TXNL4A: variants seen among roughly 807,000 people sequenced by gnomAD.
TXNL4A encodes thioredoxin like 4A, also known as thioredoxin-like protein 4A.
TXNL4A carries 17 observed loss-of-function variants against 14.6 expected under a neutral mutation model. The ratio of observed to expected loss-of-function variants is 1.16; its 90% CI spans 0.80 to 1.74. The LOEUF is 1.74. Among genes scored for constraint, TXNL4A ranks in the 40% most tolerant of loss-of-function variants. TXNL4A has a pLI of 0.00. For synonymous variants in TXNL4A, 83 were observed against 70.6 expected, an observed-to-expected ratio of 1.18 and a Z score of -0.88; for missense variants, 74 against 195.2, an observed-to-expected ratio of 0.38 and a Z score of 3.70.
chr18:79,990,339 C>T (rs951266993), upstream of TXNL4A, among the ~76,000 whole-genome samples: 3 of 152,162 alleles, frequency 2.0e-5, no homozygotes, highest in Non-Finnish European at 2.9e-5. Context: ...AAAGCAGAGG[C>T]ACAGAATATA....
rs1555720002 is a variant in TXNL4A, at chr18:79,996,119, A to AAC, written c.-60-18419_-60-18418insGT. Among the ~76,000 whole-genome samples the AAC allele has an allele frequency of 1.1e-4, 16 of 150,776 alleles. No homozygotes were observed. In the South Asian group the frequency reaches 3.4e-3, roughly 32 times the overall value. On this transcript the variant is annotated intron_variant, in intron 1 of 2. Transcript: ENST00000585474. ...ACTCTGACTCAAAAAAAAAAAAAAA[A>AAC]AAAAAAAACGGCCAGGACAGCTTAA...
intron 1 of TXNL4A, among the ~76,000 whole-genome samples, chr18:79,999,059 A>T (rs1294294167): frequency 6.6e-6 from 1 of 152,194 alleles, no homozygotes; most frequent in Admixed American, 6.5e-5. Flanking sequence ...GATCATCTCA[A>T]GTGGCTGAGT....
chr18:80,008,953 T>C (rs2051751163), intron 1 of TXNL4A, among the ~76,000 whole-genome samples: 1 of 152,126 alleles, frequency 6.6e-6, no homozygotes, highest in African/African-American at 2.4e-5. Context: ...AATTTTTGTA[T>C]TTTCAGTAGA....
chr18:79,986,673 G>A lies in TXNL4A; in HGVS notation c.153+1567C>T, dbSNP rs572311646. The A allele has an allele frequency of 1.8e-5, 18 of 985,432 alleles. No individual in the cohort carries two copies. The African/African-American group carries it at 3.0e-4, about 16-fold the overall frequency. 61.0% of individuals were successfully genotyped at this position (985,432 alleles called of 1,614,324 possible). A position where few individuals can be genotyped will look rare whatever the true frequency, so the allele number is the denominator to read the frequency against. ...TGTGCTCGGATGTGATGAGACAAAG[G>A]CCCTCACATCTCCAGCCATCCTAGC... is the stretch of plus-strand genomic sequence containing the variant. On this transcript the variant is annotated intron_variant, in intron 1 of 2. Coordinates refer to ENST00000269601, the MANE Select transcript of TXNL4A (RefSeq NM_006701.5).
At chr18:80,004,828 A>T (rs1306712214) in intron 1 of TXNL4A, among the ~76,000 whole-genome samples, 1 of 152,232 alleles carries the variant, frequency 6.6e-6, no homozygotes, top group East Asian at 1.9e-4. Flanking sequence ...CAGACCCAGA[A>T]TAGGAATGCA....
chr18:79,986,509 CT>C, intron 1 of TXNL4A: 1 of 910,524 alleles, frequency 1.1e-6, no homozygotes, highest in Non-Finnish European at 1.3e-6. Context: ...TGTGTGTCCA[CT>C]AGTGATACAG....
Position 79,978,827 on chromosome 18 carries a change from G to C in TXNL4A, c.154-1126C>G, listed in dbSNP as rs2051419515. Among the ~76,000 whole-genome samples the C allele has an allele frequency of 2.0e-5, 3 of 150,862 alleles. No individual in the cohort carries two copies. The South Asian group carries it at 6.3e-4, about 32-fold the overall frequency. On this transcript the variant is annotated intron_variant, in intron 1 of 2. Coordinates refer to ENST00000269601, the MANE Select transcript of TXNL4A (RefSeq NM_006701.5). Reference sequence around the variant, plus strand: ...ACTATATTCTTTCCCCTTTCTTATAGATATATATTTTTTAATTTGTTCATA... The same window carrying C: ...ACTATATTCTTTCCCCTTTCTTATACATATATATTTTTTAATTTGTTCATA...
At chr18:80,015,367 T>C (rs1050667870) in intron 1 of TXNL4A, among the ~76,000 whole-genome samples, 3 of 150,932 alleles carry the variant, frequency 2.0e-5, no homozygotes, top group African/African-American at 7.3e-5. Context: ...TTATTATTAT[T>C]ATTATTATTA....
intron 1 of TXNL4A, among the ~76,000 whole-genome samples, chr18:80,031,734 AG>A (rs1323398307): frequency 6.6e-6 from 1 of 152,234 alleles, no homozygotes; most frequent in African/African-American, 2.4e-5. Flanking sequence ...CGGCAGCACA[AG>A]GGGGCACTTG....
At chr18:79,977,727 T>G (rs749895518) in intron 1 of TXNL4A, 26 bp from the exon 2 acceptor site, 7 of 1,254,224 alleles carry the variant, frequency 5.6e-6, no homozygotes, top group Non-Finnish European at 8.0e-6. Context: ...AAAAAAAAAC[T>G]GAAATAACAG....
At chr18:80,014,927 C>T (rs2051796823) in intron 1 of TXNL4A, among the ~76,000 whole-genome samples, 1 of 152,236 alleles carries the variant, frequency 6.6e-6, no homozygotes, top group South Asian at 2.1e-4. Flanking sequence ...TGTGCGGTCA[C>T]AGGCTCAACA....
intron 1 of TXNL4A, among the ~76,000 whole-genome samples, chr18:80,008,615 G>A (rs2051748378): frequency 6.6e-6 from 1 of 151,586 alleles, no homozygotes; most frequent in Admixed American, 6.6e-5. Flanking sequence ...CACCCTCTTT[G>A]TACTTTTACC....
intron 1 of TXNL4A, among the ~76,000 whole-genome samples, chr18:80,022,750 A>G (rs576223832): frequency 6.6e-6 from 1 of 152,246 alleles, no homozygotes; most frequent in African/African-American, 2.4e-5. Context: ...AAGAGAGAAA[A>G]GGTGTTGCCC....
chr18:80,031,316 CACT>C (rs1316534775), intron 1 of TXNL4A, among the ~76,000 whole-genome samples: 5 of 152,136 alleles, frequency 3.3e-5, no homozygotes, highest in East Asian at 1.9e-4. Context: ...ACTGGCATGC[CACT>C]GACTGGGTGC....
intron 1 of TXNL4A, among the ~76,000 whole-genome samples, chr18:79,999,896 A>G (rs183958915): frequency 7.0e-4 from 107 of 152,326 alleles, no homozygotes; most frequent in Non-Finnish European, 5.4e-4. Context: ...TGATGACTTT[A>G]TAAGGGGAAA....
intron 2 of TXNL4A, among the ~76,000 whole-genome samples, chr18:79,976,225 G>C (rs1444065770): frequency 1.3e-5 from 2 of 152,230 alleles, no homozygotes; most frequent in East Asian, 3.9e-4. Context: ...CTGGGTGAGA[G>C]TGAGACTCCA....
In TXNL4A at chr18:79,988,558, A is replaced by T. The variant is rs549472403; in HGVS notation, c.-166T>A. The T allele has an allele frequency of 5.5e-5, 38 of 685,732 alleles. No individual in the cohort carries two copies. In the Admixed American group the frequency reaches 6.3e-4, roughly 11 times the overall value. 42.5% of individuals were successfully genotyped at this position (685,732 alleles called of 1,614,324 possible). A position where few individuals can be genotyped will look rare whatever the true frequency, so the allele number is the denominator to read the frequency against. On this transcript the variant is annotated 5_prime_UTR_variant, in exon 1 of 3. Transcript: ENST00000269601. ...TCCGCTGGGACTGCCACCCGGCAGA[A>T]CGTCTGGGCGCGCACGCACCGACGC...
At chr18:80,029,003 G>A (rs959765710) in intron 1 of TXNL4A, among the ~76,000 whole-genome samples, 4 of 152,188 alleles carry the variant, frequency 2.6e-5, no homozygotes, top group African/African-American at 9.7e-5. Flanking sequence ...CCCCAATCCA[G>A]GACCAAACGG....
intron 2 of TXNL4A, among the ~76,000 whole-genome samples, chr18:79,975,316 T>C (rs898490676): frequency 1.3e-5 from 2 of 152,234 alleles, no homozygotes; most frequent in African/African-American, 4.8e-5. Flanking sequence ...TCAAGATATA[T>C]GTTTGGTGCA....
Sources: gnomAD v4.1 joint callset for allele counts (sites outside exome capture counted in the v4.1 genomes callset) on GRCh38, gnomAD v4.1.1 for gene constraint, MANE v1.5 for transcripts, NCBI Gene and HGNC (gene_info 2026-07-23, HGNC 2026-07-21) for gene names.